Variants in MED1 observed in about 807,000 individuals in gnomAD.
The protein encoded by MED1 is mediator complex subunit 1.
MED1 carries 17 observed loss-of-function variants against 121.3 expected under a neutral mutation model. The observed-to-expected ratio is 0.14, with a 90% CI of 0.10 to 0.21. The LOEUF is 0.21. MED1 is among the 10% of genes least tolerant of loss of function. The pLI is 1.00. For synonymous variants in MED1, 661 were observed against 694.4 expected (o/e 0.95, Z 0.76); for missense variants, 1,558 against 1,919.4 (o/e 0.81, Z 3.52).
Position 39,451,232 on chromosome 17 carries a change from G to A in MED1, c.-170C>T. On this transcript the variant is annotated 5_prime_UTR_variant, in exon 1 of 17. Transcript: ENST00000300651. The stretch of plus-strand genomic sequence containing the variant: ...CGGCGGCAAGAAGAGAAGGGTGCTC[G>A]AGGCCGCCGCCATCTTCCCCAACGG... The A allele has an allele frequency of 1.5e-6, 1 of 675,654 alleles. No homozygotes were observed. Among genetic ancestry groups the A allele is most frequent in the Non-Finnish European group, 2.5e-6 (1 of 405,726 alleles). 41.9% of individuals were successfully genotyped at this position (675,654 alleles called of 1,614,324 possible).
intron 14 of MED1, among the ~76,000 whole-genome samples, chr17:39,416,162 T>C (rs1181077705): frequency 1.3e-5 from 2 of 152,180 alleles, no homozygotes; most frequent in Non-Finnish European, 2.9e-5. Flanking sequence ...CAGTTTGTTA[T>C]AAATTTCTCC....
intron 14 of MED1, among the ~76,000 whole-genome samples, chr17:39,418,365 C>T (rs1479227855): frequency 1.4e-5 from 2 of 144,200 alleles, no homozygotes; most frequent in African/African-American, 2.5e-5. Flanking sequence ...ATAGAGAGAC[C>T]CTGTCTCTAC....
At chr17:39,435,535 C>T (rs1046389862) in intron 6 of MED1, among the ~76,000 whole-genome samples, 1 of 151,936 alleles carries the variant, frequency 6.6e-6, no homozygotes, top group African/African-American at 2.4e-5. Flanking sequence ...CAATGTCAGA[C>T]ACTTGAGCAG....
At chr17:39,420,356 C>A (rs927625892) in intron 13 of MED1, among the ~76,000 whole-genome samples, 3 of 151,820 alleles carry the variant, frequency 2.0e-5, no homozygotes, top group Admixed American at 6.6e-5. Flanking sequence ...CCCGCCACCA[C>A]GCCCGGCTAA....
rs2048725726 is a variant in MED1 at position 39,446,232 on chromosome 17, C to T, written c.132+1566G>A. ...TTGAGAGGCCGAGACGGGTGGATCA[C>T]GAGGTCAGGAGATCGAGACCATCCT... On this transcript the variant is annotated intron_variant, in intron 2 of 16. Transcript: ENST00000300651. 2.0e-5 allele frequency among the ~76,000 whole-genome samples: 3 copies of T among 151,408 alleles called. No homozygotes were observed. The South Asian group carries it at 6.3e-4, about 32-fold the overall frequency.
chr17:39,410,834 A>G, intron 16 of MED1, 113 bp from the exon 17 acceptor site: 1 of 1,418,418 alleles, frequency 7.1e-7, no homozygotes, highest in East Asian at 2.4e-5. Flanking sequence ...TAGGGCAAAT[A>G]ATCTGTAAGA....
At position 39,409,146 on chromosome 17, in the gene MED1, A is replaced by G; in HGVS notation, c.3075T>C (p.Ser1025=). The change falls in exon 17 of 17, where the codon AGT becomes AGC. Residue 1025 remains serine, a synonymous_variant. Transcript: ENST00000300651. ...GTGGGGTAAAAGGTCTGTTAGAAGA[A>G]CTATGAGATGGAGACTTTCCCTCAG... The part of the protein sequence containing the change: ...ADTEGKSPSH[S]SSNRPFTPPT... The G allele has an allele frequency of 6.2e-7, 1 of 1,614,168 alleles. No individual in the cohort carries two copies. The highest frequency in any genetic ancestry group is 8.5e-7 in the Non-Finnish European group (1 of 1,180,026).
Position 39,440,009 on chromosome 17 carries a change from GGAAGGAAGGAAA to G in MED1, c.399+365_399+376del, listed in dbSNP as rs1235010673. Among the ~76,000 whole-genome samples, 375 of 127,066 alleles carry G rather than the reference GGAAGGAAGGAAA, an allele frequency of 3.0e-3. 11 individuals are homozygous for G. In the South Asian group the frequency reaches 0.08, roughly 27 times the overall value. The allele number at this position is 127,066 out of a possible 152,430, so 83.4% of individuals were successfully genotyped here. A position where few individuals can be genotyped will look rare whatever the true frequency, so the allele number is the denominator to read the frequency against. On this transcript the variant is annotated intron_variant, in intron 5 of 16. Transcript: ENST00000300651. The surrounding 1 kb of genome is among the most constrained non-coding windows in gnomAD (Gnocchi z 4.1). ...AAGAAGGAAGGAAGGAAGGAAGGAA[GGAAGGAAGGAAA>G]GAAAGAAAGAAAGAGAGAAAGAGAA...
rs2048663369 is a variant in MED1, at chr17:39,440,283, G to A, written c.399+103C>T. 1.6e-6 allele frequency: 2 copies of A among 1,253,308 alleles called. No homozygotes were observed. Among genetic ancestry groups the A allele is most frequent in the Non-Finnish European group, 2.2e-6 (2 of 924,678 alleles). 77.6% of individuals were successfully genotyped at this position (1,253,308 alleles called of 1,614,324 possible). ...TCACATCATCTCTACAGTGGCTCAT[G>A]GAAAAACCTAAACCCAAGCTATTTA... On this transcript the variant is annotated intron_variant, in intron 5 of 16. Transcript: ENST00000300651. The surrounding 1 kb of genome is among the most constrained non-coding windows in gnomAD (Gnocchi z 4.1).
intron 13 of MED1, among the ~76,000 whole-genome samples, chr17:39,420,762 A>T (rs1265277393): frequency 6.7e-6 from 1 of 150,144 alleles, no homozygotes; most frequent in Non-Finnish European, 1.5e-5. Context: ...AGCAGCTGAG[A>T]CTACAGGCAT....
Position 39,408,054 on chromosome 17 carries a change from C to T in MED1, c.4167G>A (p.Val1389=). The change falls in exon 17 of 17, where the codon GTG becomes GTA. Residue 1389 remains valine, a synonymous_variant. Coordinates refer to ENST00000300651, the MANE Select transcript of MED1 (RefSeq NM_004774.4). This position sits in a 1 kb window ranked among gnomAD's most constrained non-coding sequence, Gnocchi z 4.7. ...CATGCTTACTGATGATAATTTTTGC[C>T]ACACCTGTGCTCCCCACATTTTTTG... ...SESKNVGSTG[V]AKIIISKHDG... 6.2e-7 allele frequency: 1 copy of T among 1,614,180 alleles called. No homozygotes were observed. The highest frequency in any genetic ancestry group is 1.3e-5 in the African/African-American group (1 of 75,034).
intron 1 of MED1, 77 bp downstream of exon 1, chr17:39,450,961 C>T: frequency 3.6e-6 from 5 of 1,371,324 alleles, no homozygotes; most frequent in South Asian, 3.6e-5. Context: ...CCCCATGGGA[C>T]ATCTGCAAGA....
At chr17:39,426,065 G>A (rs750652258) in intron 10 of MED1, among the ~76,000 whole-genome samples, 3 of 151,930 alleles carry the variant, frequency 2.0e-5, no homozygotes, top group Middle Eastern at 3.4e-3. Flanking sequence ...CCAGGACTTC[G>A]GGGGCTGTAG....
chr17:39,429,841 C>T (rs1160384300), intron 9 of MED1, among the ~76,000 whole-genome samples: 1 of 151,948 alleles, frequency 6.6e-6, no homozygotes, highest in Admixed American at 6.6e-5. Context: ...AATCCCAACC[C>T]TTTGCAATGC....
chr17:39,441,499 C>T (rs866737355), intron 3 of MED1, among the ~76,000 whole-genome samples: 3 of 152,344 alleles, frequency 2.0e-5, no homozygotes, highest in East Asian at 3.9e-4. Flanking sequence ...AGGCCTCGTG[C>T]GGTGGCTGAC....
At chr17:39,448,158 C>G (rs953398841) in intron 1 of MED1, among the ~76,000 whole-genome samples, 2 of 139,554 alleles carry the variant, frequency 1.4e-5, no homozygotes, top group Non-Finnish European at 3.0e-5. Context: ...TTTTTAAAGA[C>G]TAAGTTTCAC....
chr17:39,424,837 A>G (rs2048499878), intron 10 of MED1, 99 bp from the exon 11 acceptor site: 1 of 711,494 alleles, frequency 1.4e-6, no homozygotes, highest in African/African-American at 1.8e-5. Flanking sequence ...TTTGTCAGCT[A>G]TAATTTATCA....
At chr17:39,414,566 A>C (rs2048387873) in intron 16 of MED1, among the ~76,000 whole-genome samples, 1 of 138,904 alleles carries the variant, frequency 7.2e-6, no homozygotes, top group Non-Finnish European at 1.5e-5. Context: ...CAATCTCCTG[A>C]CCTCGTGATC....
At chr17:39,414,986 A>G (rs778316446) in intron 16 of MED1, 40 bp downstream of exon 16, 4 of 1,572,356 alleles carry the variant, frequency 2.5e-6, no homozygotes, top group Non-Finnish European at 3.5e-6. Context: ...TTCTTTATAC[A>G]TCTCTAAATG....
Sources: allele counts gnomAD v4.1 joint callset (sites outside exome capture counted in the v4.1 genomes callset), GRCh38; gene constraint gnomAD v4.1.1; non-coding constraint Gnocchi (gnomAD v3.1); transcripts MANE v1.5; gene names NCBI Gene and HGNC (gene_info 2026-07-23, HGNC 2026-07-21).